KCNB2: variants seen among roughly 807,000 people sequenced by gnomAD.
KCNB2 encodes the protein potassium voltage-gated channel subfamily B member 2.
Under a neutral mutation model 61.5 loss-of-function variants are expected in KCNB2, and 15 were observed. That is an observed-to-expected ratio of 0.24 (90% CI 0.16 to 0.38). The LOEUF is 0.38. KCNB2 is among the 10% of genes least tolerant of loss of function. The pLI is 1.00. For missense variants in KCNB2, 828 were observed against 1,125.2 expected (o/e 0.74, Z 3.78); for synonymous variants, 457 against 446.0 (o/e 1.02, Z -0.31).
At chr8:72,701,027 G>T (rs1393373207) in intron 2 of KCNB2, among the ~76,000 whole-genome samples, 1 of 152,138 alleles carries the variant, frequency 6.6e-6, no homozygotes, top group East Asian at 1.9e-4. Context: ...TAAACATTTG[G>T]GTACCCATGA....
At chr8:72,730,913 G>A (rs561491416) in intron 2 of KCNB2, among the ~76,000 whole-genome samples, 1 of 152,016 alleles carries the variant, frequency 6.6e-6, no homozygotes, top group African/African-American at 2.4e-5. Context: ...CTTCATACCA[G>A]AAGAAGATGT....
intron 2 of KCNB2, among the ~76,000 whole-genome samples, chr8:72,711,442 T>C (rs1807325114): frequency 6.6e-6 from 1 of 152,192 alleles, no homozygotes; most frequent in South Asian, 2.1e-4. Flanking sequence ...GAAGAGTCTA[T>C]CTATAAACTG....
chr8:72,671,460 G>A (rs1161392910), intron 2 of KCNB2, among the ~76,000 whole-genome samples: 1 of 152,114 alleles, frequency 6.6e-6, no homozygotes, highest in African/African-American at 2.4e-5. Context: ...TATTGCCTTG[G>A]AGTACTTACA....
chr8:72,746,309 C>T (rs534645100), intron 2 of KCNB2, among the ~76,000 whole-genome samples: 3 of 145,060 alleles, frequency 2.1e-5, no homozygotes, highest in Admixed American at 1.4e-4. Flanking sequence ...TTACATTGAG[C>T]AGATGACATC....
chr8:72,611,033 A>G (rs906749726), intron 2 of KCNB2, among the ~76,000 whole-genome samples: 1 of 152,210 alleles, frequency 6.6e-6, no homozygotes, highest in Non-Finnish European at 1.5e-5. Context: ...GGCTCAGTCC[A>G]TGAATCAAGA....
intron 2 of KCNB2, among the ~76,000 whole-genome samples, chr8:72,859,421 T>A (rs1445229071): frequency 6.6e-6 from 1 of 152,192 alleles, no homozygotes; most frequent in African/African-American, 2.4e-5. Context: ...TGGTTTTCAA[T>A]GTATACAGAG....
chr8:72,622,283 A>C (rs966104278), intron 2 of KCNB2, among the ~76,000 whole-genome samples: 2 of 152,224 alleles, frequency 1.3e-5, no homozygotes, highest in African/African-American at 4.8e-5. Flanking sequence ...ATTTCAGAAG[A>C]AGAAAAGCCT....
At chr8:72,844,504 G>A (rs1160740038) in intron 2 of KCNB2, among the ~76,000 whole-genome samples, 1 of 152,198 alleles carries the variant, frequency 6.6e-6, no homozygotes, top group Non-Finnish European at 1.5e-5. Flanking sequence ...GGTTGGGGAA[G>A]TTCTCCTGAA....
intron 2 of KCNB2, among the ~76,000 whole-genome samples, chr8:72,810,993 A>T (rs188262787): frequency 6.6e-6 from 1 of 152,300 alleles, no homozygotes; most frequent in Admixed American, 6.5e-5. Flanking sequence ...AGCAAAGAGA[A>T]ACAAGCATCA....
intron 2 of KCNB2, among the ~76,000 whole-genome samples, chr8:72,821,287 T>G (rs1165931931): frequency 2.6e-5 from 4 of 152,154 alleles, no homozygotes; most frequent in African/African-American, 9.7e-5. Flanking sequence ...TAGTGTTTAT[T>G]ATTAATATGC....
chr8:72,570,237 C>T (rs1296072769), intron 2 of KCNB2, among the ~76,000 whole-genome samples: 3 of 152,102 alleles, frequency 2.0e-5, no homozygotes, highest in Non-Finnish European at 2.9e-5. Context: ...CCTACAAACT[C>T]TACCCAGCAG....
chr8:72,732,890 G>A (rs1807771680), intron 2 of KCNB2, among the ~76,000 whole-genome samples: 1 of 151,980 alleles, frequency 6.6e-6, no homozygotes. Flanking sequence ...CTTACCTGTG[G>A]CTCACCTCTC....
At chr8:72,757,298 A>C (rs73313508) in intron 2 of KCNB2, among the ~76,000 whole-genome samples, 7,732 of 152,230 alleles carry the variant, frequency 0.051, 365 homozygotes, top group African/African-American at 0.12. Flanking sequence ...ATGGGGACTT[A>C]CACTAGAGCA....
chr8:72,705,490 GAGA>G (rs1365812884), intron 2 of KCNB2, among the ~76,000 whole-genome samples: 6 of 152,250 alleles, frequency 3.9e-5, no homozygotes, highest in African/African-American at 1.4e-4. Context: ...CACTCATGGA[GAGA>G]AGATTAATAA....
chr8:72,580,363 A>G lies in KCNB2; in HGVS notation c.579+12050A>G, dbSNP rs146562534. Among the ~76,000 whole-genome samples, 840 of 152,290 alleles carry G rather than the reference A, an allele frequency of 5.5e-3. 8 individuals carry two copies. The highest frequency in any genetic ancestry group is 0.018 in the African/African-American group (765 of 41,556). On this transcript the variant is annotated intron_variant, in intron 2 of 2. Coordinates refer to ENST00000523207, the MANE Select transcript of KCNB2 (RefSeq NM_004770.3). ...GTCGAGTGCCCCACACTAATGCCAT[A>G]TTGATATTCATACCCAGTCTAGCCA...
chr8:72,756,395 G>C (rs1223258057), intron 2 of KCNB2, among the ~76,000 whole-genome samples: 4 of 152,146 alleles, frequency 2.6e-5, no homozygotes, highest in African/African-American at 9.7e-5. Context: ...ATATGAGCTT[G>C]GGTTTTATGT....
At chr8:72,594,896 G>A (rs1018639121) in intron 2 of KCNB2, among the ~76,000 whole-genome samples, 3 of 152,164 alleles carry the variant, frequency 2.0e-5, no homozygotes, top group Non-Finnish European at 2.9e-5. Flanking sequence ...AACTTCCTTA[G>A]TGTATACACA....
At chr8:72,835,779 C>T (rs1356332303) in intron 2 of KCNB2, among the ~76,000 whole-genome samples, 3 of 152,140 alleles carry the variant, frequency 2.0e-5, no homozygotes, top group African/African-American at 7.2e-5. Flanking sequence ...ATTGCAAATT[C>T]ACTTATAGAA....
At chr8:72,643,904 T>G (rs1457945736) in intron 2 of KCNB2, among the ~76,000 whole-genome samples, 1 of 152,118 alleles carries the variant, frequency 6.6e-6, no homozygotes, top group African/African-American at 2.4e-5. Flanking sequence ...GAAAGGGAGT[T>G]TAAACTTTTC....
Sources: gnomAD v4.1 joint callset for allele counts (sites outside exome capture counted in the v4.1 genomes callset) on GRCh38, gnomAD v4.1.1 for gene constraint, MANE v1.5 for transcripts, NCBI Gene and HGNC (gene_info 2026-07-23, HGNC 2026-07-21) for gene names.